Variants in LEPROTL1 observed in about 807,000 individuals in gnomAD.
The protein encoded by LEPROTL1 is leptin receptor overlapping transcript like 1.
A neutral mutation model predicts 15.4 loss-of-function variants in LEPROTL1; 6 were observed. The ratio of observed to expected loss-of-function variants is 0.39; its 90% CI spans 0.21 to 0.77. The LOEUF is 0.77. Ranked by LOEUF, LEPROTL1 falls within the 30% of genes least tolerant of loss-of-function variation. The pLI, the probability that LEPROTL1 is intolerant of heterozygous loss-of-function variation, is 0.41. For missense variants in LEPROTL1, 128 were observed against 158.1 expected (o/e 0.81, Z 1.02); for synonymous variants, 56 against 52.6 (o/e 1.06, Z -0.28).
chr8:30,104,126 T>C (rs957743965), intron 2 of LEPROTL1, among the ~76,000 whole-genome samples, 174 bp from the exon 3 acceptor site: 3 of 152,234 alleles, frequency 2.0e-5, no homozygotes, highest in African/African-American at 7.2e-5. Flanking sequence ...TTTCTGTAAT[T>C]TGGGAGTTCC....
Position 30,101,880 on chromosome 8 carries a change from T to C in LEPROTL1, c.17-18T>C. 6.5e-7 allele frequency: 1 copy of C among 1,545,120 alleles called. No homozygotes were observed. The highest frequency in any genetic ancestry group is 8.9e-7 in the Non-Finnish European group (1 of 1,123,800). On this transcript the variant is annotated intron_variant, in intron 1 of 3. Coordinates refer to ENST00000321250, the MANE Select transcript of LEPROTL1 (RefSeq NM_015344.3). Reference sequence around the variant, plus strand: ...TATTTAATTTATATTCCTGTTGCACTTTTTATTTGCTTTGCAGCTTTGATT... The same window carrying C: ...TATTTAATTTATATTCCTGTTGCACCTTTTATTTGCTTTGCAGCTTTGATT...
intron 4 of LEPROTL1, among the ~76,000 whole-genome samples, chr8:30,135,385 C>T (rs958842881): frequency 4.6e-5 from 7 of 151,930 alleles, no homozygotes; most frequent in African/African-American, 1.5e-4. Flanking sequence ...AGAAATTTGC[C>T]GTAGAGGAAA....
At chr8:30,129,180 C>T (rs574617474) in intron 3 of LEPROTL1, among the ~76,000 whole-genome samples, 53 of 152,046 alleles carry the variant, frequency 3.5e-4, no homozygotes, top group Non-Finnish European at 6.9e-4. Flanking sequence ...AGATTACAGG[C>T]GTGAGCCACT....
chr8:30,106,694 A>G lies in LEPROTL1; in HGVS notation c.*832A>G, dbSNP rs1156451073. The G allele has an allele frequency of 2.0e-6, 2 of 984,680 alleles. No homozygotes were observed. The highest frequency in any genetic ancestry group is 2.4e-6 in the Non-Finnish European group (2 of 828,880). The allele number at this position is 984,680 out of a possible 1,614,324, so 61.0% of individuals were successfully genotyped here. On this transcript the variant is annotated 3_prime_UTR_variant, in exon 4 of 4. Transcript: ENST00000321250. The stretch of plus-strand genomic sequence containing the variant: ...CAGTTTTTGAATCCTGTTTCTATTT[A>G]TAAGTGAAATTTGTGATCTCCTATC...
chr8:30,096,159 C>A, intron 1 of LEPROTL1: 1 of 506,766 alleles, frequency 2.0e-6, no homozygotes, highest in Non-Finnish European at 2.5e-6. Flanking sequence ...TCCGCAGTTG[C>A]ACCCTGAGGC....
At chr8:30,131,374 C>G (rs932611276) in intron 3 of LEPROTL1, among the ~76,000 whole-genome samples, 1 of 150,548 alleles carries the variant, frequency 6.6e-6, no homozygotes. Flanking sequence ...AACCTGGTCT[C>G]AAACCCTGGG....
At chr8:30,108,936 C>T (rs1416197425), downstream of LEPROTL1, among the ~76,000 whole-genome samples, 3 of 151,716 alleles carry the variant, frequency 2.0e-5, no homozygotes, top group Non-Finnish European at 4.4e-5. Context: ...GGCTAATTTT[C>T]GTATTTTTTG....
downstream of LEPROTL1, among the ~76,000 whole-genome samples, chr8:30,109,844 C>T (rs541701042): frequency 1.3e-5 from 2 of 150,778 alleles, no homozygotes; most frequent in Admixed American, 6.6e-5. Flanking sequence ...TATTCTTCCT[C>T]TTGAAAGGCT....
At position 30,107,531 on chromosome 8, in the gene LEPROTL1, T is replaced by TCTAG; in HGVS notation, c.*1669_*1670insCTAG. The TCTAG allele has an allele frequency of 1.0e-6, 1 of 985,880 alleles. No homozygotes were observed. The highest frequency in any genetic ancestry group is 1.2e-6 in the Non-Finnish European group (1 of 829,930). 61.1% of individuals were successfully genotyped at this position (985,880 alleles called of 1,614,324 possible). ...GTTCAGCTTTTTTACTAAAGATGCC[T>TCTAG]AAAGCCACAGGTTTTATTGCCTAAC... is the stretch of plus-strand genomic sequence containing the variant. On this transcript the variant is annotated 3_prime_UTR_variant, in exon 4 of 4. Coordinates refer to ENST00000321250, the MANE Select transcript of LEPROTL1 (RefSeq NM_015344.3).
Position 30,106,137 on chromosome 8 carries a change from T to C in LEPROTL1, c.*275T>C, listed in dbSNP as rs1802562189. 2 of 1,007,372 alleles carry C rather than the reference T, an allele frequency of 2.0e-6. No homozygotes were observed. The highest frequency in any genetic ancestry group is 2.4e-6 in the Non-Finnish European group (2 of 843,932). The allele number at this position is 1,007,372 out of a possible 1,614,324, so 62.4% of individuals were successfully genotyped here. A position where few individuals can be genotyped will look rare whatever the true frequency, so the allele number is the denominator to read the frequency against. Reference sequence around the variant, plus strand: ...TGCTGAATTTAAATATTTATGTGTTTTTCCTGTTAGGTTGATTTTTTTTGG... The same window carrying C: ...TGCTGAATTTAAATATTTATGTGTTCTTCCTGTTAGGTTGATTTTTTTTGG... On this transcript the variant is annotated 3_prime_UTR_variant, in exon 4 of 4. Transcript: ENST00000321250.
chr8:30,132,685 C>A (rs61745343), intron 4 of LEPROTL1: 1 of 1,551,722 alleles, frequency 6.4e-7, no homozygotes, highest in Non-Finnish European at 8.7e-7. Flanking sequence ...CCCTTGAACA[C>A]GAGCCTGAAA....
At chr8:30,105,597 T>C (rs1802550984) in intron 3 of LEPROTL1, 149 bp from the exon 4 acceptor site, 2 of 232,720 alleles carry the variant, frequency 8.6e-6, no homozygotes, top group Non-Finnish European at 1.6e-5. Flanking sequence ...TATATATATT[T>C]ATAAGTATGT....
At chr8:30,109,658 T>C (rs1802626150), downstream of LEPROTL1, among the ~76,000 whole-genome samples, 2 of 152,122 alleles carry the variant, frequency 1.3e-5, no homozygotes, top group African/African-American at 2.4e-5. Flanking sequence ...CCTTAACTTA[T>C]TTTGTTTCCA....
exon 5 of LEPROTL1, chr8:30,137,340 G>A (rs1803170046): frequency 6.4e-7 from 1 of 1,551,698 alleles, no homozygotes; most frequent in Non-Finnish European, 8.7e-7. Flanking sequence ...CACTGACACA[G>A]CAGCTGCCTC....
chr8:30,099,738 C>G (rs1421054930), intron 1 of LEPROTL1, among the ~76,000 whole-genome samples: 1 of 151,966 alleles, frequency 6.6e-6, no homozygotes, highest in African/African-American at 2.4e-5. Context: ...ACTGTTGTAT[C>G]CCTAGTGCTT....
intron 4 of LEPROTL1, chr8:30,132,995 A>G (rs773155817): frequency 4.0e-5 from 53 of 1,317,134 alleles, no homozygotes; most frequent in Non-Finnish European, 5.2e-5. Flanking sequence ...TCTCGCAGGA[A>G]ATAGATAGGT....
intron 2 of LEPROTL1, 101 bp downstream of exon 2, chr8:30,102,074 A>C: frequency 1.5e-6 from 1 of 647,226 alleles, no homozygotes; most frequent in Non-Finnish European, 2.6e-6. Flanking sequence ...TAATGCAGAG[A>C]AATGTTCACT....
chr8:30,131,751 A>T, intron 3 of LEPROTL1: 1 of 584,266 alleles, frequency 1.7e-6, no homozygotes, highest in Non-Finnish European at 2.8e-6. Flanking sequence ...TCCTTTTTGT[A>T]TCCTCAGTAC....
In LEPROTL1 at chr8:30,095,455, G is replaced by A. The variant is rs966177039; in HGVS notation, c.-58G>A. On this transcript the variant is annotated 5_prime_UTR_variant, in exon 1 of 4. Transcript: ENST00000321250. ...CGCCGTAGCGCGTCTTGGGTCTCCC[G>A]GCTGCCGCTGCTGCCGCCGCCGCCT... is the stretch of plus-strand genomic sequence containing the variant. The A allele has an allele frequency of 3.6e-5, 53 of 1,459,908 alleles. No homozygotes were observed. Among genetic ancestry groups the A allele is most frequent in the Non-Finnish European group, 4.5e-5 (50 of 1,109,468 alleles). The allele number at this position is 1,459,908 out of a possible 1,614,324, so 90.4% of individuals were successfully genotyped here.
Sources: allele counts gnomAD v4.1 joint callset (sites outside exome capture counted in the v4.1 genomes callset), GRCh38; gene constraint gnomAD v4.1.1; transcripts MANE v1.5; gene names NCBI Gene and HGNC (gene_info 2026-07-23, HGNC 2026-07-21).